The following RAB38 variants were observed in gnomAD, a reference collection of about 807,000 sequenced individuals.
The protein encoded by RAB38 is ras-related protein Rab-38.
RAB38 carries 15 observed loss-of-function variants against 18.4 expected under a neutral mutation model. The ratio of observed to expected loss-of-function variants is 0.82; its 90% confidence interval spans 0.55 to 1.26. The LOEUF is 1.26. RAB38 is among the 50% of genes most tolerant of loss of function. The probability of loss-of-function intolerance (pLI) is 0.00; values close to 1 mark genes in which losing one functional copy is unlikely to be tolerated. For synonymous variants in RAB38, 101 were observed against 104.4 expected (o/e 0.97, Z 0.20); for missense variants, 294 against 267.4 (o/e 1.10, Z -0.69).
the RAB38 span, among the ~76,000 whole-genome samples, chr11:88,057,170 G>A: frequency 1.1e-4 from 17 of 152,162 alleles, no homozygotes; most frequent in Non-Finnish European, 2.5e-4. Flanking sequence ...AGACAAGCAT[G>A]CACAGAAAGT....
At chr11:88,036,534 C>A in the RAB38 span, among the ~76,000 whole-genome samples, 1 of 151,436 alleles carries the variant, frequency 6.6e-6, no homozygotes, top group Non-Finnish European at 1.5e-5. Flanking sequence ...ATGCCATCAC[C>A]AATAAAACTT....
At chr11:88,047,287 T>A in the RAB38 span, among the ~76,000 whole-genome samples, 1 of 152,186 alleles carries the variant, frequency 6.6e-6, no homozygotes, top group Non-Finnish European at 1.5e-5. Flanking sequence ...CTGACTCCCA[T>A]GACTGTATCT....
At chr11:88,026,027 C>T in the RAB38 span, among the ~76,000 whole-genome samples, 6 of 151,952 alleles carry the variant, frequency 3.9e-5, no homozygotes, top group East Asian at 1.9e-4. Flanking sequence ...TGCAATGGCG[C>T]GATTTTGGCT....
At chr11:87,965,620 T>C in the RAB38 span, among the ~76,000 whole-genome samples, 2 of 152,176 alleles carry the variant, frequency 1.3e-5, no homozygotes, top group Non-Finnish European at 2.9e-5. Flanking sequence ...AGAAGTATTA[T>C]AATATACTAC....
chr11:87,978,036 T>A, the RAB38 span, among the ~76,000 whole-genome samples: 1 of 53,028 alleles, frequency 1.9e-5, no homozygotes, highest in Non-Finnish European at 4.4e-5. Flanking sequence ...TACACATACA[T>A]AATACATCTA....
chr11:87,909,662 T>G, the RAB38 span, among the ~76,000 whole-genome samples: 1 of 152,060 alleles, frequency 6.6e-6, no homozygotes, highest in East Asian at 1.9e-4. Context: ...CTACCCCTAC[T>G]TTACCCAGCA....
the RAB38 span, among the ~76,000 whole-genome samples, chr11:87,859,080 A>G: frequency 6.6e-6 from 1 of 151,996 alleles, no homozygotes. Flanking sequence ...TTTAATAAAT[A>G]GCTTTAGCAC....
chr11:87,886,824 G>GTTTTTTTTTTTTTTTTTTTT, the RAB38 span, among the ~76,000 whole-genome samples: 2 of 139,024 alleles, frequency 1.4e-5, no homozygotes, highest in South Asian at 2.3e-4. Context: ...TGAAGCACTT[G>GTTTTTTTTTTTTTTTTTTTT]TTTTTTTTTT....
At chr11:88,003,948 GATAT>G in the RAB38 span, among the ~76,000 whole-genome samples, 3 of 116,026 alleles carry the variant, frequency 2.6e-5, no homozygotes, top group Non-Finnish European at 5.2e-5. Flanking sequence ...TATATAGAGA[GATAT>G]ATATATACCT....
chr11:88,127,071 T>C (rs1371630175), intron 2 of RAB38, among the ~76,000 whole-genome samples: 3 of 152,298 alleles, frequency 2.0e-5, no homozygotes, highest in African/African-American at 7.2e-5. Context: ...AGAAAAGCCA[T>C]CTTATGGCTA....
chr11:88,012,596 A>G, the RAB38 span, among the ~76,000 whole-genome samples: 1 of 152,292 alleles, frequency 6.6e-6, no homozygotes, highest in South Asian at 2.1e-4. Context: ...AGGCTCCCAA[A>G]AGCCATCTGT....
chr11:87,928,004 G>T, the RAB38 span, among the ~76,000 whole-genome samples: 2 of 152,012 alleles, frequency 1.3e-5, no homozygotes, highest in Non-Finnish European at 2.9e-5. Context: ...CTTGAGCCCA[G>T]GAGGTTGAGG....
At chr11:87,957,500 T>C in the RAB38 span, among the ~76,000 whole-genome samples, 1 of 152,106 alleles carries the variant, frequency 6.6e-6, no homozygotes. Flanking sequence ...AAGTGAAAAG[T>C]TGTGAAGAAG....
chr11:87,977,600 C>CAATTATATAATTATGTAATTGTATAT, the RAB38 span, among the ~76,000 whole-genome samples: 4 of 116,572 alleles, frequency 3.4e-5, no homozygotes, highest in African/African-American at 1.4e-4. Flanking sequence ...TAATTATGTA[C>CAATTATATAATTATGTAATTGTATAT]TATACAATTA....
At chr11:87,847,230 T>C in the RAB38 span, among the ~76,000 whole-genome samples, 31 of 151,882 alleles carry the variant, frequency 2.0e-4, no homozygotes, top group Non-Finnish European at 4.4e-5. Context: ...TTTAAAAAAA[T>C]GAAAATTGGC....
At chr11:88,113,139 TCTC>T (rs551336969), downstream of RAB38, 148 of 151,516 alleles carry the variant, frequency 9.8e-4, no homozygotes, top group African/African-American at 2.8e-3. Context: ...ACATTTCTCA[TCTC>T]CTCCTTGAAA....
the RAB38 span, among the ~76,000 whole-genome samples, chr11:87,905,148 T>C: frequency 1.3e-5 from 2 of 151,868 alleles, no homozygotes; most frequent in Non-Finnish European, 2.9e-5. Context: ...TAGTTTATAA[T>C]ATACTGAAAA....
chr11:88,027,730 T>C, the RAB38 span, among the ~76,000 whole-genome samples: 2 of 152,186 alleles, frequency 1.3e-5, no homozygotes, highest in Admixed American at 6.5e-5. Context: ...AAGCTCCAAC[T>C]GGGTGGAGCC....
intron 1 of RAB38, chr11:88,173,454 T>A (rs929365655): frequency 2.3e-6 from 2 of 864,334 alleles, no homozygotes; most frequent in African/African-American, 1.8e-5. Context: ...AGGATCCAGA[T>A]GGAGGCAGTT....
Sources: gnomAD v4.1 joint callset for allele counts (sites outside exome capture counted in the v4.1 genomes callset) on GRCh38, gnomAD v4.1.1 for gene constraint, MANE v1.5 for transcripts, NCBI Gene and HGNC (gene_info 2026-07-23, HGNC 2026-07-21) for gene names.